ARHGAP45: variants seen among roughly 807,000 people sequenced by gnomAD.
ARHGAP45 encodes the protein Rho GTPase activating protein 45.
ARHGAP45 carries 56 observed loss-of-function variants against 116.1 expected under a neutral mutation model. That is an observed-to-expected ratio of 0.48 (90% CI 0.39 to 0.60). ARHGAP45 has a LOEUF of 0.60. ARHGAP45 is among the 20% of genes least tolerant of loss of function. The pLI is 0.00. For missense variants in ARHGAP45, 1,622 were observed against 1,601.0 expected (o/e 1.01, Z -0.22); for synonymous variants, 866 against 701.7 (o/e 1.23, Z -3.70).
chr19:1,077,158 C>G (rs1239214100), intron 10 of ARHGAP45: 1 of 985,272 alleles, frequency 1.0e-6, no homozygotes, highest in African/African-American at 1.7e-5. Flanking sequence ...CGCCTGGCTT[C>G]CTGCCTGGGC....
At position 1,083,130 on chromosome 19, in the gene ARHGAP45, G is replaced by A. The variant is rs1480650221; in HGVS notation, c.2745-13G>A. The A allele has an allele frequency of 6.3e-7, 1 of 1,599,046 alleles. No homozygotes were observed. The highest frequency in any genetic ancestry group is 8.5e-7 in the Non-Finnish European group (1 of 1,175,630). On this transcript the variant is annotated splice_polypyrimidine_tract_variant and intron_variant, in intron 20 of 22. Coordinates refer to ENST00000313093, the MANE Select transcript of ARHGAP45 (RefSeq NM_012292.5). The stretch of plus-strand genomic sequence containing the variant: ...GGGAGCCGCTCAGCACCTGGCCCCT[G>A]CCCACCCCGCAGGATCGTGGAGGTG...
chr19:1,084,217 A>G (rs779263610), intron 21 of ARHGAP45, 21 bp from the exon 22 acceptor site: 1 of 1,607,868 alleles, frequency 6.2e-7, no homozygotes, highest in South Asian at 1.1e-5. Flanking sequence ...CCCCTCTATG[A>G]CTTCCGTTCT....
Position 1,077,973 on chromosome 19 carries a change from G to A in ARHGAP45, c.1302G>A (p.Ala434=), listed in dbSNP as rs144574686. 3.9e-5 allele frequency: 61 copies of A among 1,553,286 alleles called. No homozygotes were observed. The Middle Eastern group carries it at 5.0e-4, about 13-fold the overall frequency. Residue 434 remains alanine (A), a synonymous_variant, in exon 11 of 23, where the codon GCG becomes GCA. Coordinates refer to ENST00000313093, the MANE Select transcript of ARHGAP45 (RefSeq NM_012292.5). Reference sequence around the variant, plus strand: ...CGGAGGAGGAGCAGGCTGGCAGCGCGCCGGGAGCAGGCAGCACGGCCACCA... The same window carrying A: ...CGGAGGAGGAGCAGGCTGGCAGCGCACCGGGAGCAGGCAGCACGGCCACCA... ...AKAEEEQAGS[A]PGAGSTATKT... is the part of the protein sequence containing the mutation.
At chr19:1,066,084 G>C (rs765091158), upstream of ARHGAP45, 10 of 1,535,592 alleles carry the variant, frequency 6.5e-6, no homozygotes, top group Non-Finnish European at 8.7e-6. Context: ...ACTTGGACCT[G>C]GGCCTGGAGA....
rs2043312925 is a variant in ARHGAP45, at chr19:1,078,144, G to C, written c.1374+99G>C. ...TCCAGACCTTTGTTTTTGTTTTTTT[G>C]TTTTTTTGTTTGTTTTTGAGACGGA... is the stretch of plus-strand genomic sequence containing the variant. On this transcript the variant is annotated intron_variant, in intron 11 of 22. Coordinates refer to ENST00000313093, the MANE Select transcript of ARHGAP45 (RefSeq NM_012292.5). The C allele has an allele frequency of 2.1e-6, 3 of 1,452,874 alleles. No individual in the cohort carries two copies. The African/African-American group carries it at 4.3e-5, about 21-fold the overall frequency. The allele number at this position is 1,452,874 out of a possible 1,614,324, so 90.0% of individuals were successfully genotyped here. A position where few individuals can be genotyped will look rare whatever the true frequency, so the allele number is the denominator to read the frequency against.
At chr19:1,085,528 CCCCATCTCTCCTGTCTCTCCATCTCTCT>C (rs1375303231) in intron 22 of ARHGAP45, 104 bp from the exon 23 acceptor site, 4 of 646,806 alleles carry the variant, frequency 6.2e-6, no homozygotes, top group Admixed American at 6.0e-5. Flanking sequence ...TCCTGTCTCT[CCCCATCTCTCCTGTCTCTCCATCTCTCT>C]CCCCCCTCTC....
intron 17 of ARHGAP45, 109 bp downstream of exon 17, chr19:1,081,173 G>A: frequency 1.6e-6 from 2 of 1,265,492 alleles, no homozygotes; most frequent in South Asian, 1.5e-5. Context: ...GCAGGGAGCA[G>A]TCGGACGCCT....
In ARHGAP45 at chr19:1,079,847, G is replaced by A; in HGVS notation, c.1512+7G>A. On this transcript the variant is annotated splice_region_variant and intron_variant, in intron 12 of 22. Coordinates refer to ENST00000313093, the MANE Select transcript of ARHGAP45 (RefSeq NM_012292.5). The stretch of plus-strand genomic sequence containing the variant: ...CGACCAAACCATCAAGTCGGTGCGT[G>A]GGGTGCTCCGGCCGCCCGGGCGGGG... 1.9e-6 allele frequency: 3 copies of A among 1,599,870 alleles called. No individual in the cohort carries two copies. The highest frequency in any genetic ancestry group is 2.6e-6 in the Non-Finnish European group (3 of 1,170,406).
chr19:1,086,594 G>C lies in ARHGAP45; in HGVS notation c.*588G>C, dbSNP rs1453343951. On this transcript the variant is annotated 3_prime_UTR_variant, in exon 23 of 23. Transcript: ENST00000313093. Reference sequence around the variant, plus strand: ...CACCGTGTGGTTCTTTCACAGGCACGTTTATTTTGCTGAAATAAAAAGTTT... The same window carrying C: ...CACCGTGTGGTTCTTTCACAGGCACCTTTATTTTGCTGAAATAAAAAGTTT... 1.3e-5 allele frequency: 2 copies of C among 152,032 alleles called. No homozygotes were observed. Among genetic ancestry groups the C allele is most frequent in the East Asian group, 3.8e-4 (2 of 5,330 alleles). The allele number at this position is 152,032 out of a possible 1,614,324, so 9.4% of individuals were successfully genotyped here. A position where few individuals can be genotyped will look rare whatever the true frequency, so the allele number is the denominator to read the frequency against.
chr19:1,079,671 G>T, intron 11 of ARHGAP45, 32 bp from the exon 12 acceptor site: 8 of 1,610,562 alleles, frequency 5.0e-6, no homozygotes, highest in Non-Finnish European at 6.8e-6. Context: ...CCGGGCTGAG[G>T]CCTCTCTCTG....
intron 10 of ARHGAP45, among the ~76,000 whole-genome samples, chr19:1,075,771 A>G (rs1334333591): frequency 6.6e-6 from 1 of 151,908 alleles, no homozygotes; most frequent in African/African-American, 2.4e-5. Flanking sequence ...CAGCCATCAC[A>G]CCCAGTTCAT....
rs574150557 is a variant in ARHGAP45, at chr19:1,078,455, G to A, written c.1374+410G>A. 2.4e-5 allele frequency among the ~76,000 whole-genome samples: 3 copies of A among 124,428 alleles called. No individual in the cohort carries two copies. The South Asian group carries it at 7.8e-4, about 32-fold the overall frequency. The allele number at this position is 124,428 out of a possible 152,430, so 81.6% of individuals were successfully genotyped here. On this transcript the variant is annotated intron_variant, in intron 11 of 22. Coordinates refer to ENST00000313093, the MANE Select transcript of ARHGAP45 (RefSeq NM_012292.5). Reference sequence around the variant, plus strand: ...ACTGCGCCCGGCCAATTTGTTTTTTGGAGACAGAGTCTCATTCTGTTGCCC... The same window carrying A: ...ACTGCGCCCGGCCAATTTGTTTTTTAGAGACAGAGTCTCATTCTGTTGCCC...
rs776291876 is a variant in ARHGAP45 at position 1,080,783 on chromosome 19, C to T, written c.2014C>T (p.Gln672Ter). 6.2e-7 allele frequency: 1 copy of T among 1,613,214 alleles called. No homozygotes were observed. The highest frequency in any genetic ancestry group is 8.5e-7 in the Non-Finnish European group (1 of 1,179,874). ...DGGAGASAFE[Q>*]ADLNGMTPEL... ...TGGAGCCGGGGCTTCAGCCTTTGAG[C>T]AGGGTGAGGGTCCCCTGACGGGGCT... Residue 672 changes from glutamine (Q) to a stop codon, truncating the protein, a stop_gained, in exon 16 of 23, where the codon CAG becomes TAG. Transcript: ENST00000313093. LOFTEE classifies it high-confidence loss of function.
chr19:1,070,235 C>T (rs2043114274), intron 2 of ARHGAP45, among the ~76,000 whole-genome samples: 1 of 151,908 alleles, frequency 6.6e-6, no homozygotes, highest in African/African-American at 2.4e-5. Flanking sequence ...ACCTCGTGAT[C>T]CGCATGCCTC....
intron 21 of ARHGAP45, among the ~76,000 whole-genome samples, 154 bp downstream of exon 21, chr19:1,083,507 C>G (rs574191041): frequency 2.4e-4 from 37 of 152,234 alleles, no homozygotes; most frequent in African/African-American, 8.9e-4. Flanking sequence ...CTTTTTGTGT[C>G]TTTTATGCAA....
chr19:1,071,290 T>C lies in ARHGAP45; in HGVS notation c.422-1859T>C, dbSNP rs1387638403. The C allele has an allele frequency of 1.2e-5, 18 of 1,477,020 alleles. No homozygotes were observed. The highest frequency in any genetic ancestry group is 8.9e-7 in the Non-Finnish European group (1 of 1,119,124). 91.5% of individuals were successfully genotyped at this position (1,477,020 alleles called of 1,614,324 possible). On this transcript the variant is annotated intron_variant, in intron 2 of 22. Transcript: ENST00000313093. This position sits in a 1 kb window ranked among gnomAD's most constrained non-coding sequence, Gnocchi z 4.6. ...TCTCCGCGCCCCGACGGCTGCGCCATGTGTATCTGCGGGACGGCGCACCCG... is the reference window on the plus strand; with the variant it reads ...TCTCCGCGCCCCGACGGCTGCGCCACGTGTATCTGCGGGACGGCGCACCCG...
In ARHGAP45 at chr19:1,067,297, C is replaced by T; in HGVS notation, c.-109C>T. Reference sequence around the variant, plus strand: ...CGGGCCTGTCACGTGGGCCTGACAGCTGGGGAGGGGGTGGCCGGCGACAAT... The same window carrying T: ...CGGGCCTGTCACGTGGGCCTGACAGTTGGGGAGGGGGTGGCCGGCGACAAT... On this transcript the variant is annotated 5_prime_UTR_variant, in exon 1 of 23. Coordinates refer to ENST00000313093, the MANE Select transcript of ARHGAP45 (RefSeq NM_012292.5). The T allele has an allele frequency of 7.0e-7, 1 of 1,424,520 alleles. No individual in the cohort carries two copies. Among genetic ancestry groups the T allele is most frequent in the Non-Finnish European group, 9.2e-7 (1 of 1,091,152 alleles). The allele number at this position is 1,424,520 out of a possible 1,614,324, so 88.2% of individuals were successfully genotyped here.
chr19:1,079,549 G>T (rs1383428369), intron 11 of ARHGAP45, among the ~76,000 whole-genome samples, 154 bp from the exon 12 acceptor site: 1 of 150,544 alleles, frequency 6.6e-6, no homozygotes, highest in Non-Finnish European at 1.5e-5. Context: ...ATGTTGCTCA[G>T]GCTGGTCTCG....
At chr19:1,084,018 C>T (rs1371839165) in intron 21 of ARHGAP45, among the ~76,000 whole-genome samples, 1 of 152,176 alleles carries the variant, frequency 6.6e-6, no homozygotes, top group African/African-American at 2.4e-5. Context: ...GCTGGGATTA[C>T]AGGTGTGAGC....
Sources: gnomAD v4.1 joint callset for allele counts (sites outside exome capture counted in the v4.1 genomes callset) on GRCh38, gnomAD v4.1.1 for gene constraint, Gnocchi (gnomAD v3.1) non-coding constraint, MANE v1.5 for transcripts, NCBI Gene and HGNC (gene_info 2026-07-23, HGNC 2026-07-21) for gene names.